SDK1: variants seen among roughly 807,000 people sequenced by gnomAD.
SDK1 encodes protein sidekick-1.
In SDK1, 157 loss-of-function variants were observed where a neutral mutation model predicts 245.5. The observed-to-expected ratio is 0.64, with a 90% CI of 0.56 to 0.73. SDK1 has a LOEUF of 0.73. Ranked by LOEUF, SDK1 falls within the 30% of genes least tolerant of loss-of-function variation. The probability of loss-of-function intolerance (pLI) is 0.00; values close to 1 mark genes in which losing one functional copy is unlikely to be tolerated. For synonymous variants in SDK1, 1,647 were observed against 1,278.5 expected, an observed-to-expected ratio of 1.29 and a Z score of -6.15; for missense variants, 3,583 against 3,002.3, an observed-to-expected ratio of 1.19 and a Z score of -4.52.
intron 5 of SDK1, among the ~76,000 whole-genome samples, chr7:3,828,050 G>C (rs1236240714): frequency 6.6e-6 from 1 of 152,162 alleles, no homozygotes; most frequent in Non-Finnish European, 1.5e-5. Context: ...GGCCAAGGTG[G>C]GCGGATCACC....
chr7:3,744,792 A>G (rs1278421993), intron 4 of SDK1, among the ~76,000 whole-genome samples: 3 of 152,134 alleles, frequency 2.0e-5, no homozygotes, highest in Non-Finnish European at 4.4e-5. Context: ...AGCCTGGGCG[A>G]CAGAGTGAGA....
chr7:3,412,617 A>G (rs1489308485), intron 1 of SDK1, among the ~76,000 whole-genome samples: 1 of 152,216 alleles, frequency 6.6e-6, no homozygotes, highest in African/African-American at 2.4e-5. Context: ...GTGCAAGTAA[A>G]GCTGTAGGAT....
At chr7:3,977,609 C>G (rs1216587450) in intron 13 of SDK1, among the ~76,000 whole-genome samples, 1 of 152,250 alleles carries the variant, frequency 6.6e-6, no homozygotes, top group Admixed American at 6.5e-5. Context: ...ATCATGCACC[C>G]CTTAGCATTC....
chr7:3,510,887 C>T (rs900903672), intron 1 of SDK1, among the ~76,000 whole-genome samples: 16 of 152,292 alleles, frequency 1.1e-4, no homozygotes, highest in Admixed American at 5.2e-4. Flanking sequence ...GCCCTGCAGC[C>T]GCCATTTCAA....
At chr7:3,386,953 A>G (rs1781623720) in intron 1 of SDK1, among the ~76,000 whole-genome samples, 3 of 152,204 alleles carry the variant, frequency 2.0e-5, no homozygotes, top group African/African-American at 2.4e-5. Flanking sequence ...AGCTCCATGA[A>G]TCATGAATTC....
In SDK1 at chr7:3,514,968, T is replaced by C. The variant is rs543941209; in HGVS notation, c.299-104112T>C. ...TAATACAAATCAGAACAATAATCACTTGGGCCCTTTTCTCTGCTGAATGTA... is the reference window on the plus strand; with the variant it reads ...TAATACAAATCAGAACAATAATCACCTGGGCCCTTTTCTCTGCTGAATGTA... On this transcript the variant is annotated intron_variant, in intron 1 of 44. Coordinates refer to ENST00000404826, the MANE Select transcript of SDK1 (RefSeq NM_152744.4). Among the ~76,000 whole-genome samples, 81 of 152,292 alleles carry C rather than the reference T, an allele frequency of 5.3e-4. 1 individual carries two copies. The highest frequency in any genetic ancestry group is 1.8e-3 in the African/African-American group (76 of 41,576).
intron 2 of SDK1, among the ~76,000 whole-genome samples, chr7:3,620,359 G>C (rs1398762191): frequency 6.6e-6 from 1 of 151,618 alleles, no homozygotes; most frequent in Non-Finnish European, 1.5e-5. Context: ...CTGGAGTGCA[G>C]TGGCGCGATC....
intron 4 of SDK1, among the ~76,000 whole-genome samples, chr7:3,645,366 C>T (rs139947866): frequency 3.3e-5 from 5 of 152,308 alleles, no homozygotes; most frequent in Non-Finnish European, 7.4e-5. Flanking sequence ...TACACTTTTA[C>T]AAGGCCCTTT....
At chr7:4,206,442 C>T (rs971391751) in intron 36 of SDK1, among the ~76,000 whole-genome samples, 40 of 152,162 alleles carry the variant, frequency 2.6e-4, no homozygotes, top group African/African-American at 7.7e-4. Context: ...TCCCTTGATT[C>T]GGTCGGTCCA....
intron 4 of SDK1, among the ~76,000 whole-genome samples, chr7:3,801,282 C>T (rs1285589767): frequency 6.6e-6 from 1 of 152,020 alleles, no homozygotes; most frequent in Non-Finnish European, 1.5e-5. Flanking sequence ...TTAATGAAAA[C>T]TTTTCTAATA....
At chr7:4,158,932 C>G (rs956143083) in intron 31 of SDK1, among the ~76,000 whole-genome samples, 1 of 152,198 alleles carries the variant, frequency 6.6e-6, no homozygotes, top group African/African-American at 2.4e-5. Flanking sequence ...TGATGGGAAG[C>G]GAGGTCTCCT....
chr7:3,336,582 G>T (rs566176767), intron 1 of SDK1, among the ~76,000 whole-genome samples: 3 of 152,142 alleles, frequency 2.0e-5, no homozygotes. Flanking sequence ...ATGGAGGAGC[G>T]GAGCATGCTG....
intron 40 of SDK1, among the ~76,000 whole-genome samples, chr7:4,232,492 C>A (rs144336897): frequency 3.6e-5 from 5 of 138,984 alleles, no homozygotes; most frequent in African/African-American, 1.4e-4. Flanking sequence ...GAGTCTCACT[C>A]TGTTACCCAG....
chr7:4,197,336 C>T (rs1446213612), intron 35 of SDK1, among the ~76,000 whole-genome samples: 2 of 150,570 alleles, frequency 1.3e-5, no homozygotes, highest in East Asian at 1.9e-4. Context: ...AAGAAAGAAA[C>T]AATTAGATGG....
At chr7:4,144,519 C>T (rs1470071651) in intron 28 of SDK1, among the ~76,000 whole-genome samples, 5 of 151,728 alleles carry the variant, frequency 3.3e-5, no homozygotes, top group Admixed American at 1.3e-4. Context: ...GTCTGATCTC[C>T]GTGTAATTGT....
chr7:3,407,412 T>A (rs1457468770), intron 1 of SDK1, among the ~76,000 whole-genome samples: 1 of 152,188 alleles, frequency 6.6e-6, no homozygotes, highest in Non-Finnish European at 1.5e-5. Flanking sequence ...TCCTGCCAAG[T>A]GACACTTTTG....
At chr7:3,414,631 C>A (rs1779310756) in intron 1 of SDK1, among the ~76,000 whole-genome samples, 1 of 152,076 alleles carries the variant, frequency 6.6e-6, no homozygotes, top group Admixed American at 6.6e-5. Flanking sequence ...TAAAATTGCA[C>A]AATTGTGATT....
chr7:3,549,135 G>A (rs1779323004), intron 1 of SDK1, among the ~76,000 whole-genome samples: 2 of 152,204 alleles, frequency 1.3e-5, no homozygotes, highest in Non-Finnish European at 1.5e-5. Context: ...AATGAGCTGT[G>A]TGAAGGCTTC....
intron 1 of SDK1, among the ~76,000 whole-genome samples, chr7:3,341,943 T>A (rs1012001759): frequency 6.6e-6 from 1 of 152,164 alleles, no homozygotes; most frequent in African/African-American, 2.4e-5. Flanking sequence ...AAAACCTGTA[T>A]GGAAAGGCAT....
Sources: gnomAD v4.1 joint callset for allele counts (sites outside exome capture counted in the v4.1 genomes callset) on GRCh38, gnomAD v4.1.1 for gene constraint, MANE v1.5 for transcripts, NCBI Gene and HGNC (gene_info 2026-07-23, HGNC 2026-07-21) for gene names.